The following NXPE4 variants were observed in gnomAD, a reference collection of about 807,000 sequenced individuals.
NXPE4 encodes neurexophilin and PC-esterase domain family member 4.
Under a neutral mutation model 33.3 loss-of-function variants are expected in NXPE4, and 42 were observed. That is an observed-to-expected ratio of 1.26 (90% CI 0.98 to 1.63). NXPE4 has a LOEUF of 1.63. Among genes scored for constraint, NXPE4 ranks in the 40% most tolerant of loss-of-function variants. The pLI is 0.00. For synonymous variants in NXPE4, 253 were observed against 234.9 expected (o/e 1.08, Z -0.71); for missense variants, 709 against 647.6 (o/e 1.09, Z -1.03).
At chr11:114,626,391 G>A in the NXPE4 span, among the ~76,000 whole-genome samples, 418 of 152,268 alleles carry the variant, frequency 2.7e-3, 3 homozygotes, top group Admixed American at 4.6e-3. Flanking sequence ...CAGCCTAACT[G>A]GGAGGCACCC....
chr11:114,632,514 A>G, the NXPE4 span, among the ~76,000 whole-genome samples: 1 of 124,048 alleles, frequency 8.1e-6, no homozygotes, highest in Non-Finnish European at 1.6e-5. Flanking sequence ...ATTTTATTTT[A>G]TATTATATTT....
At chr11:114,606,387 G>T in the NXPE4 span, among the ~76,000 whole-genome samples, 1 of 150,830 alleles carries the variant, frequency 6.6e-6, no homozygotes, top group Non-Finnish European at 1.5e-5. Flanking sequence ...GTTGCCTCAT[G>T]GGTAACCACT....
chr11:114,642,100 G>C, the NXPE4 span, among the ~76,000 whole-genome samples: 102,222 of 151,830 alleles, frequency 0.67, 34,799 homozygotes, highest in African/African-American at 0.75. Context: ...AGTGGAAAAG[G>C]CTGGCAAACA....
At chr11:114,639,971 TATATAATATA>T in the NXPE4 span, among the ~76,000 whole-genome samples, 1 of 109,844 alleles carries the variant, frequency 9.1e-6, no homozygotes, top group Non-Finnish European at 1.7e-5. Flanking sequence ...AAATATATTA[TATATAATATA>T]ATATAATAAT....
the NXPE4 span, among the ~76,000 whole-genome samples, chr11:114,654,277 C>G: frequency 6.6e-6 from 1 of 151,960 alleles, no homozygotes; most frequent in Non-Finnish European, 1.5e-5. Context: ...GTGTTAAATA[C>G]ATGCTCTGCC....
chr11:114,625,691 A>G, the NXPE4 span, among the ~76,000 whole-genome samples: 21,926 of 152,166 alleles, frequency 0.14, 1,953 homozygotes, highest in East Asian at 0.38. Flanking sequence ...CCGAGTAGGA[A>G]CAGCCCCGGT....
At chr11:114,603,978 G>A in the NXPE4 span, among the ~76,000 whole-genome samples, 1 of 151,522 alleles carries the variant, frequency 6.6e-6, no homozygotes, top group African/African-American at 2.4e-5. Flanking sequence ...TTACCTGGTG[G>A]ATAATAAGTA....
At chr11:114,645,333 T>G in the NXPE4 span, among the ~76,000 whole-genome samples, 1 of 151,542 alleles carries the variant, frequency 6.6e-6, no homozygotes, top group Non-Finnish European at 1.5e-5. Flanking sequence ...AAAAACCCAG[T>G]CCCCAAAAGA....
At chr11:114,632,907 ATAT>A in the NXPE4 span, among the ~76,000 whole-genome samples, 14 of 63,658 alleles carry the variant, frequency 2.2e-4, no homozygotes, top group Admixed American at 5.7e-4. Flanking sequence ...ATGTAATACA[ATAT>A]TATATTTTAT....
intron 3 of NXPE4, 25 bp from the exon 4 acceptor site, chr11:114,581,811 A>T (rs998340563): frequency 3.4e-5 from 52 of 1,514,028 alleles, no homozygotes; most frequent in Non-Finnish European, 4.7e-5. Context: ...TACAGAAATT[A>T]ATCTGTAGGT....
At chr11:114,671,665 A>C in the NXPE4 span, among the ~76,000 whole-genome samples, 2 of 152,032 alleles carry the variant, frequency 1.3e-5, no homozygotes, top group African/African-American at 4.8e-5. Flanking sequence ...AAAATAGAAT[A>C]AGCCTGTCAA....
At chr11:114,575,077 A>T (rs1402959958) in intron 5 of NXPE4, among the ~76,000 whole-genome samples, 1 of 152,150 alleles carries the variant, frequency 6.6e-6, no homozygotes, top group African/African-American at 2.4e-5. Flanking sequence ...TATAAATAGA[A>T]TTAAAAACAA....
the NXPE4 span, among the ~76,000 whole-genome samples, chr11:114,672,528 C>T: frequency 1.3e-4 from 20 of 151,910 alleles, no homozygotes; most frequent in East Asian, 3.5e-3. Flanking sequence ...GCAGAAATTG[C>T]CAGACTGGTT....
At chr11:114,659,696 C>A in the NXPE4 span, among the ~76,000 whole-genome samples, 1 of 151,900 alleles carries the variant, frequency 6.6e-6, no homozygotes, top group South Asian at 2.1e-4. Flanking sequence ...TAAGTTGTAA[C>A]ATTAAATACA....
chr11:114,615,897 G>A, the NXPE4 span, among the ~76,000 whole-genome samples: 11 of 151,350 alleles, frequency 7.3e-5, no homozygotes, highest in East Asian at 1.8e-3. Context: ...GTGTTGCCTC[G>A]TGGGTAACCA....
At chr11:114,614,439 G>C in the NXPE4 span, among the ~76,000 whole-genome samples, 1 of 151,532 alleles carries the variant, frequency 6.6e-6, no homozygotes, top group Non-Finnish European at 1.5e-5. Flanking sequence ...GTATTGCCTC[G>C]TGGGTAACCA....
At chr11:114,642,705 A>C in the NXPE4 span, among the ~76,000 whole-genome samples, 1 of 152,064 alleles carries the variant, frequency 6.6e-6, no homozygotes, top group African/African-American at 2.4e-5. Flanking sequence ...GCTATTGTGA[A>C]TAGTACTGCA....
At chr11:114,646,611 G>A in the NXPE4 span, among the ~76,000 whole-genome samples, 1 of 151,956 alleles carries the variant, frequency 6.6e-6, no homozygotes, top group African/African-American at 2.4e-5. Flanking sequence ...CATATTCTCA[G>A]CATCAAAATA....
At chr11:114,617,794 G>A in the NXPE4 span, among the ~76,000 whole-genome samples, 26 of 149,582 alleles carry the variant, frequency 1.7e-4, no homozygotes, top group Admixed American at 1.3e-3. Context: ...GGGTAAGCAC[G>A]GTTACCCGAT....
Sources: allele counts gnomAD v4.1 joint callset (sites outside exome capture counted in the v4.1 genomes callset), GRCh38; gene constraint gnomAD v4.1.1; transcripts MANE v1.5; gene names NCBI Gene and HGNC (gene_info 2026-07-23, HGNC 2026-07-21).